Variants in EIF4E3 observed in about 807,000 individuals in gnomAD.
EIF4E3 encodes eukaryotic translation initiation factor 4E family member 3, also known as eukaryotic translation initiation factor 4E type 3.
In EIF4E3, 26 loss-of-function variants were observed where a neutral mutation model predicts 31.7. That is an observed-to-expected ratio of 0.82 (90% confidence interval 0.60 to 1.14). The LOEUF is 1.14. Ranked by LOEUF, EIF4E3 falls within the 50% of genes most tolerant of loss-of-function variation. The probability of loss-of-function intolerance (pLI) is 0.00; values close to 1 mark genes in which losing one functional copy is unlikely to be tolerated. For synonymous variants in EIF4E3, 128 were observed against 107.7 expected (o/e 1.19, Z -1.17); for missense variants, 304 against 270.9 (o/e 1.12, Z -0.86).
At chr3:71,697,111 G>T (rs1365076019) in intron 3 of EIF4E3, among the ~76,000 whole-genome samples, 1 of 151,980 alleles carries the variant, frequency 6.6e-6, no homozygotes, top group Non-Finnish European at 1.5e-5. Flanking sequence ...GAACTCCTGG[G>T]CTCAAGCAAT....
At chr3:71,669,208 G>C in the EIF4E3 span, among the ~76,000 whole-genome samples, 10 of 151,012 alleles carry the variant, frequency 6.6e-5, no homozygotes, top group Admixed American at 6.6e-4. Flanking sequence ...AGAACATATG[G>C]GCAGGGCACA....
intron 1 of EIF4E3, among the ~76,000 whole-genome samples, chr3:71,716,528 C>T (rs529482963): frequency 8.5e-5 from 13 of 152,322 alleles, no homozygotes; most frequent in South Asian, 2.1e-4. Context: ...CCACCGTGCC[C>T]GGCCCATTTT....
chr3:71,712,155 T>G (rs1269561475), intron 1 of EIF4E3, among the ~76,000 whole-genome samples: 1 of 152,200 alleles, frequency 6.6e-6, no homozygotes, highest in Non-Finnish European at 1.5e-5. Context: ...CTGGACATTG[T>G]TTTAGAAAAG....
At chr3:71,662,294 C>T in the EIF4E3 span, among the ~76,000 whole-genome samples, 2 of 151,834 alleles carry the variant, frequency 1.3e-5, no homozygotes, top group African/African-American at 4.9e-5. Flanking sequence ...GTCTGCCACT[C>T]ACCGACCAGC....
At chr3:71,698,376 C>T (rs1010887373) in intron 3 of EIF4E3, among the ~76,000 whole-genome samples, 15 of 152,158 alleles carry the variant, frequency 9.9e-5, no homozygotes, top group Non-Finnish European at 1.3e-4. Context: ...GGTCATGACA[C>T]GATCTCATGT....
rs2048878763 is a variant in EIF4E3 at position 71,676,904 on chromosome 3, A to G, written c.*7778T>C. On this transcript the variant is annotated 3_prime_UTR_variant, in exon 7 of 7. Coordinates refer to ENST00000425534, the MANE Select transcript of EIF4E3 (RefSeq NM_001134651.2). ...AGTAAGCATGAATCACAAAACTCAA[A>G]TGTTTCCTAAGATCTGAAACCTTTC... is the stretch of plus-strand genomic sequence containing the variant. The G allele has an allele frequency of 6.6e-6, 1 of 152,214 alleles. No homozygotes were observed. The highest frequency in any genetic ancestry group is 1.5e-5 in the Non-Finnish European group (1 of 68,040). The allele number at this position is 152,214 out of a possible 1,614,324, so 9.4% of individuals were successfully genotyped here. A position where few individuals can be genotyped will look rare whatever the true frequency, so the allele number is the denominator to read the frequency against.
intron 2 of EIF4E3, among the ~76,000 whole-genome samples, chr3:71,706,415 C>T (rs2049294003): frequency 6.6e-6 from 1 of 152,136 alleles, no homozygotes; most frequent in African/African-American, 2.4e-5. Flanking sequence ...TTTAATAAGA[C>T]AATCATTAAT....
rs2107987764 is a variant in EIF4E3 at position 71,676,280 on chromosome 3, T to C, written c.*8402A>G. ...CACCTGTGATAAAACCAGAGAGAAA[T>C]GCAAGTGTCTCCTGTAGGTCAGGAT... On this transcript the variant is annotated 3_prime_UTR_variant, in exon 7 of 7. Transcript: ENST00000425534. The C allele has an allele frequency of 6.6e-6, 1 of 152,220 alleles. No homozygotes were observed. Among genetic ancestry groups the C allele is most frequent in the African/African-American group, 2.4e-5 (1 of 41,540 alleles). The allele number at this position is 152,220 out of a possible 1,614,324, so 9.4% of individuals were successfully genotyped here.
At chr3:71,714,269 G>C (rs201666608) in intron 1 of EIF4E3, among the ~76,000 whole-genome samples, 46 of 104,272 alleles carry the variant, frequency 4.4e-4, no homozygotes, top group African/African-American at 1.7e-3. Context: ...AAGGAAGGAA[G>C]GAAAGAAGGA....
At chr3:71,747,992 AT>A (rs1233282727) in intron 1 of EIF4E3, among the ~76,000 whole-genome samples, 1 of 152,186 alleles carries the variant, frequency 6.6e-6, no homozygotes, top group Non-Finnish European at 1.5e-5. Flanking sequence ...TGCAGTGATC[AT>A]TTTTCTTCCT....
chr3:71,730,856 A>G (rs1220653397), intron 1 of EIF4E3, among the ~76,000 whole-genome samples: 1 of 151,950 alleles, frequency 6.6e-6, no homozygotes, highest in Non-Finnish European at 1.5e-5. Flanking sequence ...CAGCTTCCCC[A>G]GTAGCTACAA....
chr3:71,673,930 TAA>T (rs36017704), downstream of EIF4E3, among the ~76,000 whole-genome samples: 1,146 of 126,714 alleles, frequency 9.0e-3, 24 homozygotes, highest in East Asian at 0.023. Context: ...TATATATATA[TAA>T]AAAACATAAT....
At chr3:71,671,402 G>A (rs2048847263), downstream of EIF4E3, among the ~76,000 whole-genome samples, 1 of 152,122 alleles carries the variant, frequency 6.6e-6, no homozygotes. Context: ...GGGAGAGACA[G>A]CATGGCAGCA....
At chr3:71,689,353 T>A (rs770110403) in intron 6 of EIF4E3, among the ~76,000 whole-genome samples, 2 of 152,202 alleles carry the variant, frequency 1.3e-5, no homozygotes, top group Admixed American at 6.5e-5. Context: ...CTACCAAACA[T>A]TGGTTTAATA....
At chr3:71,691,360 G>A (rs921358995) in intron 5 of EIF4E3, among the ~76,000 whole-genome samples, 2 of 151,964 alleles carry the variant, frequency 1.3e-5, no homozygotes, top group African/African-American at 2.4e-5. Flanking sequence ...AGAAATAATC[G>A]GCAGTAAAGT....
At chr3:71,754,300 C>G, upstream of EIF4E3, 1 of 1,151,228 alleles carries the variant, frequency 8.7e-7, no homozygotes, top group Non-Finnish European at 1.1e-6. This position sits in a 1 kb window ranked among gnomAD's most constrained non-coding sequence, Gnocchi z 5.8. Flanking sequence ...CGTGCGGCGG[C>G]CGCGGCGGGG....
At chr3:71,663,198 G>A in the EIF4E3 span, among the ~76,000 whole-genome samples, 1 of 152,084 alleles carries the variant, frequency 6.6e-6, no homozygotes, top group South Asian at 2.1e-4. Context: ...GGCGAAGGAT[G>A]GGTCTCCTCG....
At chr3:71,708,369 T>C (rs2049324824) in intron 2 of EIF4E3, among the ~76,000 whole-genome samples, 2 of 152,196 alleles carry the variant, frequency 1.3e-5, no homozygotes, top group South Asian at 4.1e-4. Context: ...GGGAAACTTT[T>C]TTCTTCTTGA....
intron 1 of EIF4E3, among the ~76,000 whole-genome samples, chr3:71,742,624 C>T (rs1308193746): frequency 6.6e-6 from 1 of 151,938 alleles, no homozygotes; most frequent in African/African-American, 2.4e-5. Flanking sequence ...CCAAGTCATT[C>T]TATTAGATCA....
Sources: gnomAD v4.1 joint callset for allele counts (sites outside exome capture counted in the v4.1 genomes callset) on GRCh38, gnomAD v4.1.1 for gene constraint, Gnocchi (gnomAD v3.1) non-coding constraint, MANE v1.5 for transcripts, NCBI Gene and HGNC (gene_info 2026-07-23, HGNC 2026-07-21) for gene names.